GNAO1: variants seen among roughly 807,000 people sequenced by gnomAD.
GNAO1 encodes guanine nucleotide-binding protein G(o) subunit alpha.
For synonymous variants in GNAO1, 164 were observed against 180.7 expected, an observed-to-expected ratio of 0.91 and a Z score of 0.74; for missense variants, 166 against 478.7, an observed-to-expected ratio of 0.35 and a Z score of 6.10.
At chr16:56,227,733 C>A (rs1035256493) in intron 2 of GNAO1, among the ~76,000 whole-genome samples, 1 of 139,226 alleles carries the variant, frequency 7.2e-6, no homozygotes, top group Non-Finnish European at 1.5e-5. Flanking sequence ...CTTTCTGATT[C>A]TATACATACT....
chr16:56,238,887 G>A (rs2036667672), intron 2 of GNAO1, among the ~76,000 whole-genome samples: 1 of 152,244 alleles, frequency 6.6e-6, no homozygotes, highest in African/African-American at 2.4e-5. Context: ...CAATGCATGT[G>A]TATGTGTTTT....
intron 3 of GNAO1, among the ~76,000 whole-genome samples, chr16:56,286,839 C>G (rs1417615066): frequency 1.3e-5 from 2 of 152,054 alleles, no homozygotes; most frequent in Non-Finnish European, 2.9e-5. Context: ...AGTGAATCCC[C>G]CAGAGGAAAA....
At chr16:56,340,050 G>T (rs3827948) in intron 6 of GNAO1, among the ~76,000 whole-genome samples, 51,005 of 152,158 alleles carry the variant, frequency 0.34, 9,596 homozygotes, top group East Asian at 0.54. Flanking sequence ...AGCCCGCACC[G>T]GGCTCTCTGC....
intron 2 of GNAO1, among the ~76,000 whole-genome samples, chr16:56,202,616 C>G (rs1362924858): frequency 3.9e-5 from 6 of 152,180 alleles, no homozygotes; most frequent in Non-Finnish European, 8.8e-5. Flanking sequence ...CGTGCATCTC[C>G]TTCCCTAAGA....
At chr16:56,308,843 G>A (rs1363590283) in intron 3 of GNAO1, among the ~76,000 whole-genome samples, 6 of 152,154 alleles carry the variant, frequency 3.9e-5, no homozygotes, top group African/African-American at 1.4e-4. Flanking sequence ...GAAGGAGGAG[G>A]AAGGGGAGGA....
rs151066582 is a variant in GNAO1, at chr16:56,279,406, C to T, written c.303+3334C>T. Among the ~76,000 whole-genome samples, 322 of 152,286 alleles carry T rather than the reference C, an allele frequency of 2.1e-3. 2 individuals are homozygous for T. Among genetic ancestry groups the T allele is most frequent in the African/African-American group, 7.3e-3 (303 of 41,570 alleles). On this transcript the variant is annotated intron_variant, in intron 3 of 8. Transcript: ENST00000262493. ...CAAACAGCAGGGACCTCCTTACATCCGTCTGTGGTTTCCACACCCCAGGCC... is the reference window on the plus strand; with the variant it reads ...CAAACAGCAGGGACCTCCTTACATCTGTCTGTGGTTTCCACACCCCAGGCC...
Position 56,192,137 on chromosome 16 carries a change from C to A in GNAO1, c.-99C>A. 1 of 683,042 alleles carries A rather than the reference C, an allele frequency of 1.5e-6. No individual in the cohort carries two copies. Among genetic ancestry groups the A allele is most frequent in the South Asian group, 1.7e-5 (1 of 59,956 alleles). 42.3% of individuals were successfully genotyped at this position (683,042 alleles called of 1,614,324 possible). A position where few individuals can be genotyped will look rare whatever the true frequency, so the allele number is the denominator to read the frequency against. On this transcript the variant is annotated 5_prime_UTR_variant, in exon 1 of 9. Transcript: ENST00000262493. ...GGAGAGGATATCGTGATTTTCCCCC[C>A]TTGAGCCCAGGCTCTGCTCTCTGGG...
intron 3 of GNAO1, among the ~76,000 whole-genome samples, chr16:56,277,500 G>C (rs1360561938): frequency 6.6e-6 from 1 of 152,168 alleles, no homozygotes; most frequent in Non-Finnish European, 1.5e-5. Context: ...ACCCAGATGA[G>C]TACAGTGCTT....
intron 5 of GNAO1, 166 bp from the exon 6 acceptor site, chr16:56,336,565 G>A: frequency 1.7e-6 from 1 of 601,420 alleles, no homozygotes; most frequent in Non-Finnish European, 2.9e-6. Context: ...CAGTGATCCA[G>A]CTGTCTGTCA....
chr16:56,338,904 C>A (rs904343509), intron 6 of GNAO1, among the ~76,000 whole-genome samples: 1 of 152,256 alleles, frequency 6.6e-6, no homozygotes, highest in East Asian at 1.9e-4. Context: ...TCTCTCACCT[C>A]CCTTTTTCCC....
rs1202493123 is a variant in GNAO1 at position 56,326,927 on chromosome 16, G to T, written c.304-1704G>T. Among the ~76,000 whole-genome samples, 5 of 152,180 alleles carry T rather than the reference G, an allele frequency of 3.3e-5. No homozygotes were observed. The highest frequency in any genetic ancestry group is 1.2e-4 in the African/African-American group (5 of 41,442). On this transcript the variant is annotated intron_variant, in intron 3 of 8. Transcript: ENST00000262493. This position sits in a 1 kb window ranked among gnomAD's most constrained non-coding sequence, Gnocchi z 4.8. ...CTGTCAGCCGTCCAGGGAGCTCTCG[G>T]CACAGGTGGGTCTGATCATAGAGGC...
intron 2 of GNAO1, among the ~76,000 whole-genome samples, chr16:56,247,350 G>A (rs2036756511): frequency 6.6e-6 from 1 of 152,122 alleles, no homozygotes; most frequent in Non-Finnish European, 1.5e-5. Flanking sequence ...AAATGTCATG[G>A]TTTTCCCAAA....
chr16:56,329,915 C>T (rs1419834241), intron 4 of GNAO1, among the ~76,000 whole-genome samples: 1 of 152,156 alleles, frequency 6.6e-6, no homozygotes, highest in Admixed American at 6.5e-5. Context: ...GTGTGCAGGA[C>T]GGCCCCCACA....
chr16:56,350,114 G>A (rs1468185877), intron 6 of GNAO1, among the ~76,000 whole-genome samples: 1 of 152,112 alleles, frequency 6.6e-6, no homozygotes, highest in Non-Finnish European at 1.5e-5. Flanking sequence ...CTCAGAGGGG[G>A]GCGGTGTGGC....
intron 2 of GNAO1, among the ~76,000 whole-genome samples, chr16:56,201,372 A>T (rs1249726138): frequency 1.3e-5 from 2 of 152,234 alleles, no homozygotes; most frequent in Non-Finnish European, 2.9e-5. Flanking sequence ...AAATAGTTTG[A>T]TTTGACTAGA....
intron 5 of GNAO1, 72 bp from the exon 6 acceptor site, chr16:56,336,659 G>C: frequency 7.0e-7 from 1 of 1,431,026 alleles, no homozygotes. Flanking sequence ...CTCTCAGCGT[G>C]CTCACAGCTT....
intron 2 of GNAO1, chr16:56,235,509 C>T (rs1345324455): frequency 2.3e-6 from 1 of 438,968 alleles, no homozygotes; most frequent in South Asian, 1.6e-5. Context: ...CTGGTCAGTT[C>T]TCCTCGACAT....
At chr16:56,319,791 T>C (rs558876164) in intron 3 of GNAO1, among the ~76,000 whole-genome samples, 1 of 152,200 alleles carries the variant, frequency 6.6e-6, no homozygotes, top group East Asian at 1.9e-4. Context: ...ACCTGTACCA[T>C]GCTCCCCACC....
intron 2 of GNAO1, among the ~76,000 whole-genome samples, chr16:56,219,566 T>G (rs2036465875): frequency 6.6e-6 from 1 of 152,176 alleles, no homozygotes; most frequent in African/African-American, 2.4e-5. Flanking sequence ...AATGTATCCT[T>G]CACCTACCCT....
Sources: allele counts gnomAD v4.1 joint callset (sites outside exome capture counted in the v4.1 genomes callset), GRCh38; gene constraint gnomAD v4.1.1; non-coding constraint Gnocchi (gnomAD v3.1); transcripts MANE v1.5; gene names NCBI Gene and HGNC (gene_info 2026-07-23, HGNC 2026-07-21).